IRX6: variants seen among roughly 807,000 people sequenced by gnomAD.
IRX6 encodes the protein iroquois-class homeodomain protein IRX-6.
Under a neutral mutation model 47.7 loss-of-function variants are expected in IRX6, and 46 were observed. That is an observed-to-expected ratio of 0.96 (90% CI 0.76 to 1.23). The LOEUF is 1.23. Ranked by LOEUF, IRX6 falls within the 50% of genes most tolerant of loss-of-function variation. The pLI, the probability that IRX6 is intolerant of heterozygous loss-of-function variation, is 0.00. For missense variants in IRX6, 722 were observed against 588.0 expected, an observed-to-expected ratio of 1.23 and a Z score of -2.36; for synonymous variants, 265 against 246.2, an observed-to-expected ratio of 1.08 and a Z score of -0.72.
Position 55,324,749 on chromosome 16 carries a change from T to TGGACTGGGACACCTC in IRX6, c.-342_-328dup, listed in dbSNP as rs1960478264. On this transcript the variant is annotated 5_prime_UTR_variant, in exon 1 of 6. Transcript: ENST00000290552. This position sits in a 1 kb window ranked among gnomAD's most constrained non-coding sequence, Gnocchi z 4.4. The stretch of plus-strand genomic sequence containing the variant: ...CGTCACATTGAGCCTCTGGCCACCT[T>TGGACTGGGACACCTC]GGACTGGGACACCTCCGGAGCCTCA... 2.9e-6 allele frequency: 1 copy of TGGACTGGGACACCTC among 349,162 alleles called. No homozygotes were observed. Among genetic ancestry groups the TGGACTGGGACACCTC allele is most frequent in the South Asian group, 3.2e-5 (1 of 31,008 alleles). 21.6% of individuals were successfully genotyped at this position (349,162 alleles called of 1,614,324 possible). A position where few individuals can be genotyped will look rare whatever the true frequency, so the allele number is the denominator to read the frequency against.
chr16:55,325,536 A>AAGGAAG (rs1960502061), intron 1 of IRX6, among the ~76,000 whole-genome samples: 3 of 74,372 alleles, frequency 4.0e-5, no homozygotes, highest in African/African-American at 1.6e-4. Flanking sequence ...GGAAGGAGAG[A>AAGGAAG]GAGAGAGAGA....
chr16:55,325,465 A>AT lies in IRX6; in HGVS notation c.45+329_45+330insT, dbSNP rs2142265862. ...GGCCGGGAGAGAAAGAAAGAAAGAA[A>AT]AGAAAGAAAGAAATAAGGAAGGAAG... On this transcript the variant is annotated intron_variant, in intron 1 of 5. Coordinates refer to ENST00000290552, the MANE Select transcript of IRX6 (RefSeq NM_024335.3). Among the ~76,000 whole-genome samples, 5 of 133,400 alleles carry AT rather than the reference A, an allele frequency of 3.7e-5. 1 individual carries two copies. Among genetic ancestry groups the AT allele is most frequent in the African/African-American group, 9.2e-5 (3 of 32,604 alleles). 87.5% of individuals were successfully genotyped at this position (133,400 alleles called of 152,430 possible). A position where few individuals can be genotyped will look rare whatever the true frequency, so the allele number is the denominator to read the frequency against.
intron 2 of IRX6, chr16:55,326,931 C>G (rs934170746): frequency 7.5e-5 from 12 of 159,970 alleles, no homozygotes; most frequent in Non-Finnish European, 9.9e-5. Context: ...GGAAGTGCCC[C>G]AGCTGGTGTG....
At position 55,324,882 on chromosome 16, in the gene IRX6, C is replaced by G. The variant is rs1960481202; in HGVS notation, c.-210C>G. ...GGGCCCTTCTGTCTTCCGGACCCCA[C>G]GGGCCGGAGGGGCGCCTTCCGGAGC... On this transcript the variant is annotated 5_prime_UTR_variant, in exon 1 of 6. Transcript: ENST00000290552. This position sits in a 1 kb window ranked among gnomAD's most constrained non-coding sequence, Gnocchi z 4.4. 1 of 597,426 alleles carries G rather than the reference C, an allele frequency of 1.7e-6. No individual in the cohort carries two copies. Among genetic ancestry groups the G allele is most frequent in the Non-Finnish European group, 3.0e-6 (1 of 335,384 alleles). 37.0% of individuals were successfully genotyped at this position (597,426 alleles called of 1,614,324 possible). A position where few individuals can be genotyped will look rare whatever the true frequency, so the allele number is the denominator to read the frequency against.
chr16:55,327,319 G>A lies in IRX6; in HGVS notation c.327G>A (p.Glu109=), dbSNP rs1360512016. The part of the protein sequence containing the change: ...GALNPQYEFK[E]AAGSFTSSLA... ...AGAATCCACAGTATGAATTTAAGGAGGCTGCAGGGAGTTTTACATCCAGCC... is the reference window on the plus strand; with the variant it reads ...AGAATCCACAGTATGAATTTAAGGAAGCTGCAGGGAGTTTTACATCCAGCC... The change falls in exon 3 of 6, where the codon GAG becomes GAA. Residue 109 remains glutamate (E), a synonymous_variant. Coordinates refer to ENST00000290552, the MANE Select transcript of IRX6 (RefSeq NM_024335.3). The A allele has an allele frequency of 1.2e-6, 2 of 1,613,768 alleles. No homozygotes were observed. Among genetic ancestry groups the A allele is most frequent in the Non-Finnish European group, 8.5e-7 (1 of 1,179,748 alleles).
In IRX6 at chr16:55,327,611, G is replaced by A. The variant is rs182336923; in HGVS notation, c.439G>A (p.Ala147Thr). ...ERYGAVELSG[A>T]GRRKNATRET... ...GTATGGCGCAGTGGAATTGAGTGGC[G>A]CCGGTCGCCGAAAGAACGCGACCCG... The change falls in exon 4 of 6, where the codon GCC becomes ACC. Residue 147 changes from alanine (A) to threonine (T), a missense_variant. Ala to Thr is a moderately conservative substitution (Grantham distance 58). Transcript: ENST00000290552. The A allele has an allele frequency of 5.6e-6, 9 of 1,606,814 alleles. No homozygotes were observed. Among genetic ancestry groups the A allele is most frequent in the African/African-American group, 5.4e-5 (4 of 74,532 alleles).
chr16:55,326,343 C>T lies in IRX6; in HGVS notation c.53C>T (p.Ala18Val), dbSNP rs764325539. 6.2e-7 allele frequency: 1 copy of T among 1,612,372 alleles called. No homozygotes were observed. Among genetic ancestry groups the T allele is most frequent in the Non-Finnish European group, 8.5e-7 (1 of 1,179,228 alleles). The change falls in exon 2 of 6, where the codon GCG becomes GTG. Residue 18 changes from alanine to valine, a missense_variant. Coordinates refer to ENST00000290552, the MANE Select transcript of IRX6 (RefSeq NM_024335.3). Reference sequence around the variant, plus strand: ...TCTTTCTTGCCCCTATAGTTTCTGGCGTCGGCAAGTTCCAGCACCACATGC... The same window carrying T: ...TCTTTCTTGCCCCTATAGTTTCTGGTGTCGGCAAGTTCCAGCACCACATGC... ...HPYRGASQFL[A>V]SASSSTTCCE...
At chr16:55,326,649 G>T in intron 2 of IRX6, 56 bp downstream of exon 2, 1 of 1,453,586 alleles carries the variant, frequency 6.9e-7, no homozygotes, top group South Asian at 1.5e-5. Flanking sequence ...GTGAAATCCA[G>T]AGAAAGTCAA....
In IRX6 at chr16:55,326,437, C is replaced by CGCACCCTA. The variant is rs1960526287; in HGVS notation, c.148_155dup (p.Tyr52Ter). The CGCACCCTA allele has an allele frequency of 6.2e-7, 1 of 1,613,866 alleles. No individual in the cohort carries two copies. On this transcript the variant is annotated frameshift_variant, in exon 2 of 6. Coordinates refer to ENST00000290552, the MANE Select transcript of IRX6 (RefSeq NM_024335.3). LOFTEE classifies it high-confidence loss of function. ...CCACCCCAGCGCCCGCTCTCTGCTG[C>CGCACCCTA]GCACCCTACGATAGTCGACTGCTGG...
rs1960567596 is a variant in IRX6 at position 55,327,990 on chromosome 16, G to C, written c.721+97G>C. 5 of 1,260,798 alleles carry C rather than the reference G, an allele frequency of 4.0e-6. No homozygotes were observed. In the Admixed American group the frequency reaches 1.3e-4, roughly 33 times the overall value. 78.1% of individuals were successfully genotyped at this position (1,260,798 alleles called of 1,614,324 possible). ...GCCCTGTAGGGTAGATTTTCTGGAA[G>C]GTCCTCAGACTTACCCTTGCACTTC... On this transcript the variant is annotated intron_variant, in intron 4 of 5. Transcript: ENST00000290552.
chr16:55,328,722 C>T lies in IRX6; in HGVS notation c.744C>T (p.Ala248=), dbSNP rs753404948. ...DTKEVTASQE[A]RGLRLSDLED... is the part of the protein sequence containing the mutation. ...CAGAAGTTACTGCTAGCCAGGAGGC[C>T]CGGGGGCTCCGGCTGAGTGACCTGG... The change falls in exon 5 of 6, where the codon GCC becomes GCT. Residue 248 remains alanine, a synonymous_variant. Coordinates refer to ENST00000290552, the MANE Select transcript of IRX6 (RefSeq NM_024335.3). The T allele has an allele frequency of 6.8e-6, 11 of 1,613,162 alleles. No individual in the cohort carries two copies. The South Asian group carries it at 1.1e-4, about 16-fold the overall frequency.
rs750836841 is a variant in IRX6 at position 55,326,425 on chromosome 16, C to CAGT, written c.135_136insAGT (p.Pro45_Ala46insSer). 17 of 1,613,890 alleles carry CAGT rather than the reference C, an allele frequency of 1.1e-5. No homozygotes were observed. The African/African-American group carries it at 2.0e-4, about 19-fold the overall frequency. ...TGGCATCAGGCTCCACCCCAGCGCC[C>CAGT]GCTCTCTGCTGCGCACCCTACGATA... On this transcript the variant is annotated inframe_insertion, in exon 2 of 6. Coordinates refer to ENST00000290552, the MANE Select transcript of IRX6 (RefSeq NM_024335.3).
At chr16:55,325,505 AG>A (rs1567338483) in intron 1 of IRX6, among the ~76,000 whole-genome samples, 3 of 21,706 alleles carry the variant, frequency 1.4e-4, no homozygotes, top group African/African-American at 6.7e-4. Flanking sequence ...GAAGGAAGGA[AG>A]GAAGGAAGGA....
chr16:55,326,974 A>G (rs1596880225), intron 2 of IRX6: 22 of 69,964 alleles, frequency 3.1e-4, no homozygotes, highest in Admixed American at 3.8e-4. Context: ...GGTGGGGGGC[A>G]GTAAGGGGGG....
Position 55,324,848 on chromosome 16 carries a change from C to T in IRX6, c.-244C>T, listed in dbSNP as rs1436224354. On this transcript the variant is annotated 5_prime_UTR_variant, in exon 1 of 6. Coordinates refer to ENST00000290552, the MANE Select transcript of IRX6 (RefSeq NM_024335.3). The surrounding 1 kb of genome is among the most constrained non-coding windows in gnomAD (Gnocchi z 4.4). Reference sequence around the variant, plus strand: ...AACCCGCATCTTCTTCCTTCCCCTGCCCATCCATGGGCCCTTCTGTCTTCC... The same window carrying T: ...AACCCGCATCTTCTTCCTTCCCCTGTCCATCCATGGGCCCTTCTGTCTTCC... 6 of 576,174 alleles carry T rather than the reference C, an allele frequency of 1.0e-5. No individual in the cohort carries two copies. The highest frequency in any genetic ancestry group is 3.1e-5 in the Admixed American group (1 of 32,506). The allele number at this position is 576,174 out of a possible 1,614,324, so 35.7% of individuals were successfully genotyped here.
chr16:55,327,442 G>A, intron 3 of IRX6, 37 bp downstream of exon 3: 2 of 1,585,656 alleles, frequency 1.3e-6, no homozygotes, highest in Non-Finnish European at 1.7e-6. Context: ...GGCACTGTGA[G>A]TCTTTCCTCC....
In IRX6 at chr16:55,327,418, G is replaced by C. The variant is rs779240730; in HGVS notation, c.413+13G>C. On this transcript the variant is annotated intron_variant, in intron 3 of 5. Transcript: ENST00000290552. ...ACCAATATGAACGGTAAGGAGTGAA[G>C]GGCCTTGGTGACTGGCACTGTGAGT... is the stretch of plus-strand genomic sequence containing the variant. The C allele has an allele frequency of 6.2e-7, 1 of 1,600,150 alleles. No homozygotes were observed. The highest frequency in any genetic ancestry group is 1.7e-5 in the Admixed American group (1 of 59,982).
Position 55,329,039 on chromosome 16 carries a change from T to C in IRX6, c.1061T>C (p.Leu354Pro). Residue 354 changes from leucine to proline, a missense_variant, in exon 5 of 6, where the codon CTG becomes CCG. Physicochemically the swap from Leu to Pro is moderately conservative, Grantham distance 98 (BLOSUM62 -3). Transcript: ENST00000290552. ...TTGGAGAAACCGCGCATCTGGTCTC[T>C]GGCGCACACCGCGACAGCCAGCGCT... ...PCLEKPRIWSLAHTATASAVE... is the reference protein window; with the variant it reads ...PCLEKPRIWSPAHTATASAVE... 7.4e-6 allele frequency: 12 copies of C among 1,613,924 alleles called. No individual in the cohort carries two copies. The highest frequency in any genetic ancestry group is 1.0e-5 in the Non-Finnish European group (12 of 1,180,024).
At position 55,324,739 on chromosome 16, in the gene IRX6, C is replaced by G. The variant is rs1303985237; in HGVS notation, c.-353C>G. 11 of 313,612 alleles carry G rather than the reference C, an allele frequency of 3.5e-5. No individual in the cohort carries two copies. The highest frequency in any genetic ancestry group is 6.6e-5 in the Non-Finnish European group (11 of 167,296). 19.4% of individuals were successfully genotyped at this position (313,612 alleles called of 1,614,324 possible). Reference sequence around the variant, plus strand: ...ATTACCGTGACGTCACATTGAGCCTCTGGCCACCTTGGACTGGGACACCTC... The same window carrying G: ...ATTACCGTGACGTCACATTGAGCCTGTGGCCACCTTGGACTGGGACACCTC... On this transcript the variant is annotated 5_prime_UTR_variant, in exon 1 of 6. Transcript: ENST00000290552. This position sits in a 1 kb window ranked among gnomAD's most constrained non-coding sequence, Gnocchi z 4.4.
Sources: allele counts gnomAD v4.1 joint callset (sites outside exome capture counted in the v4.1 genomes callset), GRCh38; gene constraint gnomAD v4.1.1; non-coding constraint Gnocchi (gnomAD v3.1); transcripts MANE v1.5; gene names NCBI Gene and HGNC (gene_info 2026-07-23, HGNC 2026-07-21).